The following SPOCK3 variants were observed in gnomAD, a reference collection of about 807,000 sequenced individuals.
SPOCK3 encodes the protein SPARC (osteonectin), cwcv and kazal like domains proteoglycan 3, also known as testican-3.
In SPOCK3, 30 loss-of-function variants were observed where a neutral mutation model predicts 56.6. The ratio of observed to expected loss-of-function variants is 0.53; its 90% CI spans 0.40 to 0.72. The LOEUF (loss-of-function observed/expected upper bound fraction) is 0.72, where lower values mean the gene tolerates loss of function less well. Among genes scored for constraint, SPOCK3 ranks in the 30% least tolerant of loss-of-function variants. The probability of loss-of-function intolerance (pLI) is 0.00; values close to 1 mark genes in which losing one functional copy is unlikely to be tolerated. For missense variants in SPOCK3, 527 were observed against 530.0 expected (o/e 0.99, Z 0.06); for synonymous variants, 196 against 183.3 (o/e 1.07, Z -0.56).
intron 2 of SPOCK3, among the ~76,000 whole-genome samples, chr4:167,204,201 G>A (rs552723051): frequency 3.9e-5 from 6 of 151,956 alleles, no homozygotes; most frequent in African/African-American, 1.4e-4. Context: ...TATAGATGTC[G>A]TGGCACAAGG....
intron 3 of SPOCK3, among the ~76,000 whole-genome samples, chr4:167,035,578 CT>C (rs1345909874): frequency 3.3e-5 from 5 of 152,124 alleles, no homozygotes; most frequent in East Asian, 3.9e-4. Context: ...AAAACCACCC[CT>C]GATCATGTCT....
At chr4:167,159,346 A>G (rs914773332) in intron 2 of SPOCK3, among the ~76,000 whole-genome samples, 4 of 151,942 alleles carry the variant, frequency 2.6e-5, no homozygotes, top group African/African-American at 9.7e-5. Flanking sequence ...TCAGAAGCAG[A>G]AGTTTCTCTC....
chr4:167,071,975 T>C (rs1448012753), intron 2 of SPOCK3, among the ~76,000 whole-genome samples: 1 of 152,042 alleles, frequency 6.6e-6, no homozygotes, highest in Non-Finnish European at 1.5e-5. Flanking sequence ...AGAATTTTCA[T>C]TGTAACTATA....
chr4:166,853,936 A>G (rs767081123), intron 6 of SPOCK3, among the ~76,000 whole-genome samples: 1 of 152,148 alleles, frequency 6.6e-6, no homozygotes, highest in Non-Finnish European at 1.5e-5. Flanking sequence ...CAGAATCAAT[A>G]ACAAAATTAG....
intron 4 of SPOCK3, among the ~76,000 whole-genome samples, chr4:166,959,650 T>C (rs1168919496): frequency 6.6e-6 from 1 of 151,328 alleles, no homozygotes; most frequent in Non-Finnish European, 1.5e-5. Context: ...TCTCAAGGAC[T>C]AGAAAGGTAA....
At chr4:166,862,774 A>G (rs979726914) in intron 6 of SPOCK3, among the ~76,000 whole-genome samples, 19 of 152,072 alleles carry the variant, frequency 1.2e-4, no homozygotes, top group African/African-American at 4.1e-4. Context: ...GCTTTCAACA[A>G]GCATTTACTA....
At chr4:166,850,772 C>A (rs941472573) in intron 6 of SPOCK3, among the ~76,000 whole-genome samples, 3 of 152,252 alleles carry the variant, frequency 2.0e-5, no homozygotes, top group Non-Finnish European at 2.9e-5. Context: ...GCTTAAAAAA[C>A]GGTGCAACAG....
At chr4:166,744,173 C>G (rs1308684021) in intron 8 of SPOCK3, among the ~76,000 whole-genome samples, 2 of 152,180 alleles carry the variant, frequency 1.3e-5, no homozygotes, top group Non-Finnish European at 2.9e-5. Flanking sequence ...GGTCCCTGAC[C>G]CCCGAGTAGC....
chr4:166,952,728 A>G (rs1206199117), intron 4 of SPOCK3, among the ~76,000 whole-genome samples: 1 of 152,210 alleles, frequency 6.6e-6, no homozygotes, highest in South Asian at 2.1e-4. Context: ...ACTGGTACCA[A>G]AACAGAGATA....
chr4:166,768,269 GT>G (rs1264903503), intron 7 of SPOCK3, among the ~76,000 whole-genome samples: 4 of 152,182 alleles, frequency 2.6e-5, no homozygotes, highest in African/African-American at 7.2e-5. Flanking sequence ...AGTTGATGCA[GT>G]TTCTTCCTAG....
At chr4:167,094,206 A>AAGAC (rs1758946771) in intron 2 of SPOCK3, among the ~76,000 whole-genome samples, 1 of 152,178 alleles carries the variant, frequency 6.6e-6, no homozygotes, top group Non-Finnish European at 1.5e-5. Context: ...AAATTATAAG[A>AAGAC]AGACAGAGGA....
intron 3 of SPOCK3, among the ~76,000 whole-genome samples, chr4:167,050,348 G>A (rs1754086559): frequency 6.6e-6 from 1 of 152,092 alleles, no homozygotes; most frequent in Non-Finnish European, 1.5e-5. Context: ...AAATTTTGGA[G>A]TTTGAAACAC....
rs1209582317 is a variant in SPOCK3, at chr4:166,850,848, A to G, written c.589+38282T>C. Among the ~76,000 whole-genome samples the G allele has an allele frequency of 3.3e-5, 5 of 152,324 alleles. No individual in the cohort carries two copies. The South Asian group carries it at 1.0e-3, about 32-fold the overall frequency. On this transcript the variant is annotated intron_variant, in intron 6 of 10. Transcript: ENST00000357545. ...ACAGAGTCTCACTGATTGCTAGCAC[A>G]GCAGTCTGAGATCAAACTGCAAGGT...
intron 2 of SPOCK3, among the ~76,000 whole-genome samples, chr4:167,230,853 CTT>C (rs1202728768): frequency 6.6e-6 from 1 of 152,078 alleles, no homozygotes; most frequent in Non-Finnish European, 1.5e-5. Context: ...AGGTAACAAA[CTT>C]TATTCAACAG....
chr4:166,826,405 T>C (rs1439135980), intron 6 of SPOCK3, among the ~76,000 whole-genome samples: 1 of 152,086 alleles, frequency 6.6e-6, no homozygotes, highest in Non-Finnish European at 1.5e-5. Context: ...TCTGAGTCAA[T>C]AGAATATGAT....
intron 2 of SPOCK3, among the ~76,000 whole-genome samples, chr4:167,179,720 A>C (rs1488389840): frequency 6.6e-6 from 1 of 152,122 alleles, no homozygotes; most frequent in Non-Finnish European, 1.5e-5. Context: ...ACCGCATTAT[A>C]TTAATAAAGA....
intron 5 of SPOCK3, among the ~76,000 whole-genome samples, chr4:166,903,681 T>C (rs1250531707): frequency 6.6e-6 from 1 of 152,026 alleles, no homozygotes; most frequent in Non-Finnish European, 1.5e-5. Context: ...TCAGTTTCTG[T>C]GTTAGTGTTG....
chr4:166,991,027 T>C (rs1420556591), intron 4 of SPOCK3, among the ~76,000 whole-genome samples: 3 of 152,088 alleles, frequency 2.0e-5, no homozygotes, highest in Admixed American at 6.6e-5. Flanking sequence ...GTAAATAAAT[T>C]ATGCACATTT....
chr4:166,941,150 C>T (rs1741011993), intron 4 of SPOCK3, among the ~76,000 whole-genome samples: 1 of 152,080 alleles, frequency 6.6e-6, no homozygotes, highest in Admixed American at 6.5e-5. Context: ...GGAGGGCTGT[C>T]AGCCAGAAGC....
Sources: allele counts gnomAD v4.1 joint callset (sites outside exome capture counted in the v4.1 genomes callset), GRCh38; gene constraint gnomAD v4.1.1; transcripts MANE v1.5; gene names NCBI Gene and HGNC (gene_info 2026-07-23, HGNC 2026-07-21).